Variants in ANKRD11 observed in about 807,000 individuals in gnomAD.
ANKRD11 encodes ankyrin repeat domain-containing protein 11.
ANKRD11 carries 17 observed loss-of-function variants against 195.7 expected under a neutral mutation model. The ratio of observed to expected loss-of-function variants is 0.09; its 90% confidence interval spans 0.06 to 0.13. The LOEUF is 0.13. Ranked by LOEUF, ANKRD11 falls within the 10% of genes least tolerant of loss-of-function variation. The pLI is 1.00. For missense variants in ANKRD11, 3,735 were observed against 3,566.1 expected, an observed-to-expected ratio of 1.05 and a Z score of -1.21; for synonymous variants, 1,953 against 1,528.1, an observed-to-expected ratio of 1.28 and a Z score of -6.49.
At chr16:89,395,441 G>C (rs2041383783) in intron 2 of ANKRD11, among the ~76,000 whole-genome samples, 1 of 152,236 alleles carries the variant, frequency 6.6e-6, no homozygotes, top group Non-Finnish European at 1.5e-5. Context: ...ACAGCGCTGG[G>C]ATGCCAGCCC....
intron 1 of ANKRD11, among the ~76,000 whole-genome samples, chr16:89,421,937 G>A (rs2042527227): frequency 6.6e-6 from 1 of 152,300 alleles, no homozygotes; most frequent in Middle Eastern, 3.4e-3. Context: ...AGGACAAGAT[G>A]ATAACCCAGG....
chr16:89,415,961 T>A (rs972666296), intron 2 of ANKRD11, among the ~76,000 whole-genome samples: 1 of 151,960 alleles, frequency 6.6e-6, no homozygotes, highest in African/African-American at 2.4e-5. Context: ...GGCCTCTCTG[T>A]AGCAACACTG....
intron 2 of ANKRD11, among the ~76,000 whole-genome samples, chr16:89,393,634 G>A (rs940739334): frequency 6.6e-5 from 10 of 151,910 alleles, no homozygotes; most frequent in Non-Finnish European, 1.2e-4. Flanking sequence ...AAGCCACTGC[G>A]CCCGGCCTAG....
chr16:89,312,258 A>G (rs1276561531), intron 3 of ANKRD11, among the ~76,000 whole-genome samples: 1 of 152,288 alleles, frequency 6.6e-6, no homozygotes, highest in African/African-American at 2.4e-5. Context: ...TCACAGCATC[A>G]GGTAAGCCTC....
Position 89,374,720 on chromosome 16 carries a change from G to A in ANKRD11, c.-60+43564C>T, listed in dbSNP as rs1285733392. On this transcript the variant is annotated intron_variant, in intron 2 of 12. Transcript: ENST00000301030. ...TTCAACTCTGCTCAGGTAAGGACCAGAAAAAAACAGGAACTAAAACATGCC... is the reference window on the plus strand; with the variant it reads ...TTCAACTCTGCTCAGGTAAGGACCAAAAAAAAACAGGAACTAAAACATGCC... Among the ~76,000 whole-genome samples, 3 of 152,230 alleles carry A rather than the reference G, an allele frequency of 2.0e-5. No individual in the cohort carries two copies. In the East Asian group the frequency reaches 5.8e-4, roughly 29 times the overall value.
intron 1 of ANKRD11, among the ~76,000 whole-genome samples, chr16:89,435,315 C>A (rs569435329): frequency 6.6e-6 from 1 of 152,150 alleles, no homozygotes; most frequent in Non-Finnish European, 1.5e-5. Context: ...ATCAGCAGTA[C>A]GTGGGCAGGG....
In ANKRD11 at chr16:89,292,205, C is replaced by T. The variant is rs1423877615; in HGVS notation, c.227-1022G>A. ...GGAAGACGTGGGCCTCTGAAGCTCT[C>T]CTCTGAGGCACCTCCCTTCCCTTCC... On this transcript the variant is annotated intron_variant, in intron 4 of 12. Coordinates refer to ENST00000301030, the MANE Select transcript of ANKRD11 (RefSeq NM_013275.6). 2.6e-5 allele frequency among the ~76,000 whole-genome samples: 4 copies of T among 152,220 alleles called. No individual in the cohort carries two copies. In the East Asian group the frequency reaches 5.8e-4, roughly 22 times the overall value.
chr16:89,450,374 C>G (rs2044015161), intron 1 of ANKRD11, among the ~76,000 whole-genome samples: 1 of 152,190 alleles, frequency 6.6e-6, no homozygotes, highest in African/African-American at 2.4e-5. Context: ...CGAAGTATAC[C>G]TGGCTGGAAG....
chr16:89,435,489 A>C (rs892629086), intron 1 of ANKRD11, among the ~76,000 whole-genome samples: 6 of 152,152 alleles, frequency 3.9e-5, no homozygotes, highest in African/African-American at 1.4e-4. Flanking sequence ...CCTCAGCGCG[A>C]AGGTCTGCAG....
At chr16:89,327,760 T>C (rs1424007815) in intron 2 of ANKRD11, among the ~76,000 whole-genome samples, 3 of 152,158 alleles carry the variant, frequency 2.0e-5, no homozygotes, top group African/African-American at 7.2e-5. Flanking sequence ...TAGGTTCATA[T>C]GGAACAAAAC....
At chr16:89,365,183 A>G (rs1322754330) in intron 2 of ANKRD11, among the ~76,000 whole-genome samples, 1 of 152,216 alleles carries the variant, frequency 6.6e-6, no homozygotes. Flanking sequence ...AATCCTGTCC[A>G]GTGATGACTA....
In ANKRD11 at chr16:89,284,304, T is replaced by A. The variant is rs1328590864; in HGVS notation, c.2238A>T (p.Arg746Ser). The change falls in exon 9 of 13, where the codon AGA becomes AGT. Residue 746 changes from arginine to serine, a missense_variant. Transcript: ENST00000301030. Reference sequence around the variant, plus strand: ...CTTTCGGAGACTTTTCCTTCAGCGATCTCTCCTTTTCTGCTTTATTCGAAC... The same window carrying A: ...CTTTCGGAGACTTTTCCTTCAGCGAACTCTCCTTTTCTGCTTTATTCGAAC... ...KDRSNKAEKE[R>S]SLKEKSPKEE... 11 of 1,613,972 alleles carry A rather than the reference T, an allele frequency of 6.8e-6. No homozygotes were observed. Among genetic ancestry groups the A allele is most frequent in the Non-Finnish European group, 9.3e-6 (11 of 1,180,024 alleles).
intron 1 of ANKRD11, among the ~76,000 whole-genome samples, chr16:89,489,717 C>T (rs1224701735): frequency 6.6e-6 from 1 of 150,950 alleles, no homozygotes; most frequent in Non-Finnish European, 1.5e-5. Flanking sequence ...CCTCAGGTCC[C>T]CAAGACCTGC....
chr16:89,404,254 T>C (rs1483891236), intron 2 of ANKRD11, among the ~76,000 whole-genome samples: 2 of 152,154 alleles, frequency 1.3e-5, no homozygotes, highest in Non-Finnish European at 2.9e-5. Flanking sequence ...TCTAGTCTCC[T>C]ATCCACCCTC....
At chr16:89,311,055 G>A (rs1458104607) in intron 3 of ANKRD11, among the ~76,000 whole-genome samples, 2 of 152,210 alleles carry the variant, frequency 1.3e-5, no homozygotes, top group Non-Finnish European at 2.9e-5. Context: ...GTCAGGTTGA[G>A]GAAATTCCTC....
intron 2 of ANKRD11, among the ~76,000 whole-genome samples, chr16:89,352,784 T>C (rs1307962677): frequency 6.6e-6 from 1 of 152,194 alleles, no homozygotes; most frequent in African/African-American, 2.4e-5. Context: ...GTGCGTTTCC[T>C]ATGTGCTGCT....
chr16:89,406,252 C>T (rs546858192), intron 2 of ANKRD11, among the ~76,000 whole-genome samples: 69 of 152,228 alleles, frequency 4.5e-4, no homozygotes, highest in South Asian at 1.0e-3. Flanking sequence ...AGAGTCGGCA[C>T]CCACACGTGC....
intron 2 of ANKRD11, among the ~76,000 whole-genome samples, chr16:89,345,069 C>T (rs981319289): frequency 6.6e-6 from 1 of 152,270 alleles, no homozygotes; most frequent in African/African-American, 2.4e-5. Context: ...CGGATGGTTT[C>T]TCAACCACTC....
At chr16:89,371,363 T>C (rs779427850) in intron 2 of ANKRD11, among the ~76,000 whole-genome samples, 2 of 152,158 alleles carry the variant, frequency 1.3e-5, no homozygotes, top group Non-Finnish European at 2.9e-5. Flanking sequence ...CATTCTACCA[T>C]TTGGTGTCGT....
Sources: allele counts gnomAD v4.1 joint callset (sites outside exome capture counted in the v4.1 genomes callset), GRCh38; gene constraint gnomAD v4.1.1; transcripts MANE v1.5; gene names NCBI Gene and HGNC (gene_info 2026-07-23, HGNC 2026-07-21).